HOMER1: variants seen among roughly 807,000 people sequenced by gnomAD.
HOMER1 encodes homer scaffold protein 1.
Under a neutral mutation model 48.9 loss-of-function variants are expected in HOMER1, and 3 were observed. The ratio of observed to expected loss-of-function variants is 0.06; its 90% CI spans 0.03 to 0.16. HOMER1 has a LOEUF of 0.16. Ranked by LOEUF, HOMER1 falls within the 10% of genes least tolerant of loss-of-function variation. The probability of loss-of-function intolerance (pLI) is 1.00; values close to 1 mark genes in which losing one functional copy is unlikely to be tolerated. For missense variants in HOMER1, 247 were observed against 411.4 expected, an observed-to-expected ratio of 0.60 and a Z score of 3.46; for synonymous variants, 134 against 146.4, an observed-to-expected ratio of 0.92 and a Z score of 0.61.
chr5:79,497,081 A>T (rs1039686214), intron 1 of HOMER1, among the ~76,000 whole-genome samples: 6 of 148,864 alleles, frequency 4.0e-5, no homozygotes, highest in African/African-American at 9.8e-5. Flanking sequence ...AAAAAAAAAA[A>T]GGAAAGAAAG....
At chr5:79,404,138 A>G (rs1749603790) in intron 5 of HOMER1, among the ~76,000 whole-genome samples, 1 of 152,216 alleles carries the variant, frequency 6.6e-6, no homozygotes, top group African/African-American at 2.4e-5. Flanking sequence ...ATCTTAGTGA[A>G]CTAATTTAAA....
intron 5 of HOMER1, among the ~76,000 whole-genome samples, chr5:79,437,178 T>C: frequency 6.6e-6 from 1 of 152,164 alleles, no homozygotes; most frequent in East Asian, 1.9e-4. Flanking sequence ...GTGCATAAAG[T>C]AAACTAGAAA....
At chr5:79,431,185 T>C (rs1249468644) in intron 5 of HOMER1, among the ~76,000 whole-genome samples, 2 of 151,906 alleles carry the variant, frequency 1.3e-5, no homozygotes, top group African/African-American at 2.4e-5. Flanking sequence ...TTAGCCGGCA[T>C]AGTGGTGTGC....
rs184267620 is a variant in HOMER1, at chr5:79,509,104, A to C, written c.5+3666T>G. 2.6e-5 allele frequency among the ~76,000 whole-genome samples: 4 copies of C among 152,338 alleles called. No homozygotes were observed. The East Asian group carries it at 7.7e-4, about 29-fold the overall frequency. On this transcript the variant is annotated intron_variant, in intron 1 of 8. Transcript: ENST00000334082. ...GAACCCTGCAGTTTGAGGCAGAAGG[A>C]GGTGTCAGCTTCCCATCTTTCAGCA...
intron 1 of HOMER1, among the ~76,000 whole-genome samples, chr5:79,476,098 C>G (rs1751770054): frequency 6.6e-6 from 1 of 152,118 alleles, no homozygotes; most frequent in African/African-American, 2.4e-5. Context: ...CCCCCAAATA[C>G]TATATAAATA....
intron 1 of HOMER1, among the ~76,000 whole-genome samples, chr5:79,483,423 C>G (rs1209938757): frequency 2.6e-5 from 4 of 151,680 alleles, no homozygotes; most frequent in Non-Finnish European, 5.9e-5. Context: ...GGTTACATAA[C>G]ACTGTGAATG....
At chr5:79,388,012 G>T (rs760257624) in intron 8 of HOMER1, among the ~76,000 whole-genome samples, 1 of 152,202 alleles carries the variant, frequency 6.6e-6, no homozygotes, top group Non-Finnish European at 1.5e-5. Context: ...AGGCAGAGTT[G>T]TGGGGGCAAT....
intron 1 of HOMER1, among the ~76,000 whole-genome samples, chr5:79,501,391 G>T (rs1231441453): frequency 6.6e-6 from 1 of 152,182 alleles, no homozygotes; most frequent in Admixed American, 6.5e-5. Flanking sequence ...AAGGCTTCCA[G>T]TCAACTGTAG....
In HOMER1 at chr5:79,377,451, T is replaced by C. The variant is rs369770263; in HGVS notation, c.877-1254A>G. The stretch of plus-strand genomic sequence containing the variant: ...CAGATAAGCAATGAATTGAAAGTTG[T>C]TATATATCCGTTCTGGAAAGCTCAC... On this transcript the variant is annotated intron_variant, in intron 8 of 8. Coordinates refer to ENST00000334082, the MANE Select transcript of HOMER1 (RefSeq NM_004272.5). Among the ~76,000 whole-genome samples, 15 of 152,330 alleles carry C rather than the reference T, an allele frequency of 9.8e-5. 1 individual carries two copies. Among genetic ancestry groups the C allele is most frequent in the African/African-American group, 3.6e-4 (15 of 41,576 alleles).
At chr5:79,486,248 ACT>A (rs1752098468) in intron 1 of HOMER1, among the ~76,000 whole-genome samples, 4 of 152,216 alleles carry the variant, frequency 2.6e-5, no homozygotes, top group South Asian at 2.1e-4. Flanking sequence ...TCTCTCACAA[ACT>A]CTGCCAAAAT....
chr5:79,424,984 C>T (rs751981440), intron 5 of HOMER1, among the ~76,000 whole-genome samples: 68 of 152,058 alleles, frequency 4.5e-4, no homozygotes, highest in Non-Finnish European at 7.8e-4. Context: ...TCTAGGCATA[C>T]ACAGGAATCC....
At chr5:79,408,226 T>C (rs986173531) in intron 5 of HOMER1, among the ~76,000 whole-genome samples, 15 of 152,282 alleles carry the variant, frequency 9.9e-5, no homozygotes, top group South Asian at 4.1e-4. Flanking sequence ...TCATCACAGA[T>C]GATGCAATCC....
At chr5:79,496,148 C>T (rs1486894864) in intron 1 of HOMER1, among the ~76,000 whole-genome samples, 1 of 152,166 alleles carries the variant, frequency 6.6e-6, no homozygotes, top group Non-Finnish European at 1.5e-5. Flanking sequence ...ACTAAGTGAA[C>T]AACCTGCTGG....
chr5:79,435,830 CTAAA>C (rs1750563732), intron 5 of HOMER1, among the ~76,000 whole-genome samples: 1 of 143,986 alleles, frequency 6.9e-6, no homozygotes, highest in Admixed American at 7.3e-5. Flanking sequence ...GACTCTGTCT[CTAAA>C]TAAATAAATA....
chr5:79,399,886 A>G (rs1354656114), intron 6 of HOMER1, among the ~76,000 whole-genome samples: 2 of 152,168 alleles, frequency 1.3e-5, no homozygotes, highest in African/African-American at 2.4e-5. Flanking sequence ...AAGGGAAACA[A>G]TACCTGATAG....
At chr5:79,472,346 C>A (rs989241888) in intron 1 of HOMER1, among the ~76,000 whole-genome samples, 6 of 152,040 alleles carry the variant, frequency 3.9e-5, no homozygotes, top group Non-Finnish European at 8.8e-5. Context: ...AATTTGCTTG[C>A]TTTTAAATAC....
Position 79,379,256 on chromosome 5 carries a change from T to A in HOMER1, c.877-3059A>T, listed in dbSNP as rs375169790. Reference sequence around the variant, plus strand: ...TATATTATATATTATATATATCTATTATATATATTATATATTATATATATC... The same window carrying A: ...TATATTATATATTATATATATCTATAATATATATTATATATTATATATATC... On this transcript the variant is annotated intron_variant, in intron 8 of 8. Coordinates refer to ENST00000334082, the MANE Select transcript of HOMER1 (RefSeq NM_004272.5). 1.7e-3 allele frequency among the ~76,000 whole-genome samples: 108 copies of A among 64,886 alleles called. 3 individuals carry two copies. Among genetic ancestry groups the A allele is most frequent in the East Asian group, 0.015 (44 of 2,932 alleles). The allele number at this position is 64,886 out of a possible 152,430, so 42.6% of individuals were successfully genotyped here.
At chr5:79,384,828 C>G (rs1210632048) in intron 8 of HOMER1, among the ~76,000 whole-genome samples, 1 of 151,972 alleles carries the variant, frequency 6.6e-6, no homozygotes, top group Non-Finnish European at 1.5e-5. Flanking sequence ...ACCAAGGAAA[C>G]AAGGATGGTT....
intron 1 of HOMER1, among the ~76,000 whole-genome samples, chr5:79,504,622 A>T (rs981800831): frequency 2.6e-5 from 4 of 152,184 alleles, no homozygotes; most frequent in African/African-American, 9.7e-5. Flanking sequence ...GAGGGAAGCT[A>T]GAAAGTAACT....
Sources: gnomAD v4.1 joint callset for allele counts (sites outside exome capture counted in the v4.1 genomes callset) on GRCh38, gnomAD v4.1.1 for gene constraint, MANE v1.5 for transcripts, NCBI Gene and HGNC (gene_info 2026-07-23, HGNC 2026-07-21) for gene names.